Variants in AFF3 observed in about 807,000 individuals in gnomAD.
The protein encoded by AFF3 is ALF transcription elongation factor 3.
AFF3 carries 32 observed loss-of-function variants against 129.7 expected under a neutral mutation model. The observed-to-expected ratio is 0.25, with a 90% CI of 0.19 to 0.33. AFF3 has a LOEUF of 0.33. AFF3 is among the 10% of genes least tolerant of loss of function. AFF3 has a pLI of 1.00. For synonymous variants in AFF3, 644 were observed against 635.4 expected (o/e 1.01, Z -0.20); for missense variants, 1,373 against 1,592.0 (o/e 0.86, Z 2.34).
intron 7 of AFF3, among the ~76,000 whole-genome samples, chr2:99,916,371 C>T (rs570987940): frequency 6.6e-6 from 1 of 152,288 alleles, no homozygotes; most frequent in South Asian, 2.1e-4. Context: ...TACAAAGTTA[C>T]GCATTTTTTA....
In AFF3 at chr2:100,006,712, T is replaced by G. The variant is rs369733286; in HGVS notation, c.793A>C (p.Arg265=). 2.5e-5 allele frequency: 40 copies of G among 1,614,094 alleles called. No homozygotes were observed. The highest frequency in any genetic ancestry group is 2.5e-5 in the Non-Finnish European group (29 of 1,180,050). ...SETSVHCTSY[R]GVPASKPEPA... is the part of the protein sequence containing the mutation. Reference sequence around the variant, plus strand: ...TCCGGCTTGCTGGCAGGGACTCCCCTGTATGATGTGCAGTGCACGCTGGTT... The same window carrying G: ...TCCGGCTTGCTGGCAGGGACTCCCCGGTATGATGTGCAGTGCACGCTGGTT... The change falls in exon 7 of 25, where the codon AGG becomes CGG. Residue 265 remains arginine (R), a synonymous_variant. Transcript: ENST00000672756.
chr2:99,780,194 C>T (rs183914196), intron 8 of AFF3, among the ~76,000 whole-genome samples: 19 of 152,272 alleles, frequency 1.2e-4, no homozygotes, highest in Admixed American at 1.2e-3. Context: ...TAGCAAAACT[C>T]TCCATCTAAA....
chr2:99,782,470 T>C (rs1031087698), intron 8 of AFF3, among the ~76,000 whole-genome samples: 11 of 152,194 alleles, frequency 7.2e-5, no homozygotes, highest in Non-Finnish European at 1.3e-4. Flanking sequence ...GCTGCCGCCA[T>C]AGGAAGAGGG....
At chr2:100,136,738 T>A (rs1373623037) in intron 1 of AFF3, among the ~76,000 whole-genome samples, 1 of 152,190 alleles carries the variant, frequency 6.6e-6, no homozygotes, top group Non-Finnish European at 1.5e-5. Context: ...TAATTTGAAA[T>A]TTGACATTTG....
intron 8 of AFF3, among the ~76,000 whole-genome samples, chr2:99,788,040 T>C (rs1486412223): frequency 6.6e-6 from 1 of 152,206 alleles, no homozygotes; most frequent in Non-Finnish European, 1.5e-5. Context: ...AATGTCACAG[T>C]GTAACACATT....
chr2:99,724,702 T>A (rs1344247543), intron 11 of AFF3, among the ~76,000 whole-genome samples: 1 of 152,146 alleles, frequency 6.6e-6, no homozygotes, highest in African/African-American at 2.4e-5. Context: ...ATCAAAGGCA[T>A]CCTGAATCTC....
At chr2:100,023,261 A>G (rs911600391) in intron 4 of AFF3, among the ~76,000 whole-genome samples, 22 of 152,218 alleles carry the variant, frequency 1.4e-4, no homozygotes, top group African/African-American at 5.3e-4. Flanking sequence ...CAGGACAGTT[A>G]AGCGCATACT....
At chr2:100,009,457 TAATC>T (rs1474730542) in intron 4 of AFF3, among the ~76,000 whole-genome samples, 11 of 152,156 alleles carry the variant, frequency 7.2e-5, no homozygotes, top group South Asian at 6.2e-4. Flanking sequence ...TGATCTCTGT[TAATC>T]AGTCAAGTCG....
chr2:99,898,357 C>T (rs1442657467), intron 7 of AFF3, among the ~76,000 whole-genome samples: 2 of 152,232 alleles, frequency 1.3e-5, no homozygotes, highest in Non-Finnish European at 2.9e-5. Context: ...AGATCCTCCA[C>T]AAGGACACTG....
In AFF3 at chr2:99,558,911, A is replaced by G. The variant is rs760621196; in HGVS notation, c.3249T>C (p.Ala1083=). The change falls in exon 22 of 25, where the codon GCT becomes GCC. Residue 1083 remains alanine (A), a synonymous_variant. Coordinates refer to ENST00000672756, the MANE Select transcript of AFF3 (RefSeq NM_001386135.1). Reference sequence around the variant, plus strand: ...CGATTAGTGCTTTTGAATACTTTACAGCGTGGTCCCTTTTGAGTCGAAACA... The same window carrying G: ...CGATTAGTGCTTTTGAATACTTTACGGCGTGGTCCCTTTTGAGTCGAAACA... ...WRMFRLKRDH[A]VKYSKALIDY... 2 of 1,614,184 alleles carry G rather than the reference A, an allele frequency of 1.2e-6. No homozygotes were observed. The highest frequency in any genetic ancestry group is 1.7e-6 in the Non-Finnish European group (2 of 1,180,016).
At chr2:100,051,210 C>T (rs939461362) in intron 4 of AFF3, among the ~76,000 whole-genome samples, 2 of 152,152 alleles carry the variant, frequency 1.3e-5, no homozygotes, top group African/African-American at 4.8e-5. Flanking sequence ...TAAATGCGCA[C>T]CCACTCCCAC....
chr2:99,709,808 C>T (rs1677734478), intron 11 of AFF3, among the ~76,000 whole-genome samples: 1 of 152,196 alleles, frequency 6.6e-6, no homozygotes, highest in African/African-American at 2.4e-5. Flanking sequence ...TCCCTACCCC[C>T]AAAGCCAATT....
intron 11 of AFF3, among the ~76,000 whole-genome samples, chr2:99,701,258 G>T (rs1676833579): frequency 6.6e-6 from 1 of 152,116 alleles, no homozygotes; most frequent in South Asian, 2.1e-4. Context: ...CCAAAGTGAG[G>T]TGTGGTCGTG....
At chr2:99,900,538 T>C (rs571978255) in intron 7 of AFF3, among the ~76,000 whole-genome samples, 19 of 152,152 alleles carry the variant, frequency 1.2e-4, no homozygotes, top group South Asian at 4.1e-4. Flanking sequence ...CCCCTGCCCA[T>C]AGCGACAACG....
intron 8 of AFF3, among the ~76,000 whole-genome samples, chr2:99,757,073 T>A (rs1575885210): frequency 6.6e-6 from 1 of 152,224 alleles, no homozygotes; most frequent in Admixed American, 6.5e-5. Context: ...GGAGATCTCA[T>A]GCTCATTCTT....
chr2:99,823,913 C>T (rs1272685241), intron 8 of AFF3, among the ~76,000 whole-genome samples: 1 of 152,058 alleles, frequency 6.6e-6, no homozygotes, highest in Non-Finnish European at 1.5e-5. Context: ...TACACAGAGA[C>T]ATCAGGATGG....
At chr2:100,015,909 T>C (rs570996650) in intron 4 of AFF3, among the ~76,000 whole-genome samples, 4 of 152,132 alleles carry the variant, frequency 2.6e-5, no homozygotes, top group African/African-American at 7.2e-5. Context: ...GCAGTAGTGT[T>C]GGTGGTAGTG....
intron 22 of AFF3, among the ~76,000 whole-genome samples, chr2:99,557,063 C>A (rs1458909954): frequency 1.3e-5 from 2 of 151,968 alleles, no homozygotes; most frequent in Non-Finnish European, 2.9e-5. Flanking sequence ...TTTAAATGTT[C>A]CCATCACAAA....
intron 7 of AFF3, among the ~76,000 whole-genome samples, chr2:99,925,661 C>T (rs963210713): frequency 6.6e-6 from 1 of 152,208 alleles, no homozygotes; most frequent in African/African-American, 2.4e-5. Context: ...TCTTTACATG[C>T]TTCCACAGGG....
Sources: allele counts gnomAD v4.1 joint callset (sites outside exome capture counted in the v4.1 genomes callset), GRCh38; gene constraint gnomAD v4.1.1; transcripts MANE v1.5; gene names NCBI Gene and HGNC (gene_info 2026-07-23, HGNC 2026-07-21).